NKAIN2: variants seen among roughly 807,000 people sequenced by gnomAD.
NKAIN2 encodes sodium/potassium-transporting ATPase subunit beta-1-interacting protein 2.
Under a neutral mutation model 32.6 loss-of-function variants are expected in NKAIN2, and 14 were observed. The ratio of observed to expected loss-of-function variants is 0.43; its 90% confidence interval spans 0.28 to 0.67. NKAIN2 has a LOEUF of 0.67. Among genes scored for constraint, NKAIN2 ranks in the 30% least tolerant of loss-of-function variants. The pLI, the probability that NKAIN2 is intolerant of heterozygous loss-of-function variation, is 0.17. For synonymous variants in NKAIN2, 80 were observed against 87.2 expected (o/e 0.92, Z 0.46); for missense variants, 198 against 258.3 (o/e 0.77, Z 1.60).
intron 1 of NKAIN2, among the ~76,000 whole-genome samples, chr6:124,107,635 T>C (rs638393): frequency 0.64 from 97,190 of 151,920 alleles, 31,277 homozygotes; most frequent in East Asian, 0.74. Context: ...CATGCAGATC[T>C]CTAGGACGTA....
intron 3 of NKAIN2, among the ~76,000 whole-genome samples, chr6:124,634,178 A>G (rs1783684051): frequency 1.3e-5 from 2 of 152,172 alleles, no homozygotes; most frequent in Non-Finnish European, 2.9e-5. Context: ...ATATCAATGT[A>G]TAGACACAAG....
At chr6:124,596,204 G>A (rs1288452024) in intron 3 of NKAIN2, among the ~76,000 whole-genome samples, 1 of 152,172 alleles carries the variant, frequency 6.6e-6, no homozygotes, top group Non-Finnish European at 1.5e-5. Context: ...TTGGGGTGGG[G>A]AACACTGGGA....
intron 3 of NKAIN2, among the ~76,000 whole-genome samples, chr6:124,489,758 C>A (rs535044139): frequency 1.3e-5 from 2 of 151,852 alleles, no homozygotes; most frequent in African/African-American, 4.8e-5. Flanking sequence ...AAGTTGGAGT[C>A]CACTTGTATT....
At chr6:124,620,418 C>T (rs781479) in intron 3 of NKAIN2, among the ~76,000 whole-genome samples, 26,015 of 152,084 alleles carry the variant, frequency 0.17, 2,322 homozygotes, top group Middle Eastern at 0.24. Flanking sequence ...GAAGCTCACA[C>T]GATGAACACA....
At chr6:123,903,686 T>C (rs1774715555) in intron 1 of NKAIN2, among the ~76,000 whole-genome samples, 3 of 152,222 alleles carry the variant, frequency 2.0e-5, no homozygotes, top group Non-Finnish European at 4.4e-5. Context: ...GTTTTCAAGA[T>C]AGGATTTGTA....
intron 4 of NKAIN2, among the ~76,000 whole-genome samples, chr6:124,755,216 AAGG>A (rs1777906186): frequency 6.6e-6 from 1 of 152,124 alleles, no homozygotes; most frequent in Admixed American, 6.6e-5. Flanking sequence ...CTGATGTCCA[AAGG>A]CAGGAGGAAC....
At chr6:124,630,375 T>G (rs931390953) in intron 3 of NKAIN2, among the ~76,000 whole-genome samples, 2 of 152,154 alleles carry the variant, frequency 1.3e-5, no homozygotes, top group Non-Finnish European at 2.9e-5. Flanking sequence ...TAAGACCAAA[T>G]TCATCGTATT....
intron 3 of NKAIN2, among the ~76,000 whole-genome samples, chr6:124,452,100 C>T (rs1015905114): frequency 1.3e-5 from 2 of 151,182 alleles, no homozygotes; most frequent in Non-Finnish European, 2.9e-5. Context: ...GAGGCTGAGG[C>T]AGGAGGACCA....
At chr6:124,332,365 T>C (rs965446184) in intron 2 of NKAIN2, among the ~76,000 whole-genome samples, 1 of 152,066 alleles carries the variant, frequency 6.6e-6, no homozygotes, top group Middle Eastern at 3.2e-3. Flanking sequence ...CTTTCATCTT[T>C]TGGAATGATT....
chr6:124,215,998 A>C (rs1791457785), intron 1 of NKAIN2, among the ~76,000 whole-genome samples: 3 of 151,926 alleles, frequency 2.0e-5, no homozygotes, highest in South Asian at 2.1e-4. Context: ...AGCGCCTGTA[A>C]TCCCAGCTAC....
chr6:124,541,565 T>C (rs1219970110), intron 3 of NKAIN2, among the ~76,000 whole-genome samples: 11 of 152,168 alleles, frequency 7.2e-5, no homozygotes. Flanking sequence ...TCCTTGGTGT[T>C]AGAGCATTGG....
intron 3 of NKAIN2, among the ~76,000 whole-genome samples, chr6:124,565,403 C>T (rs925084852): frequency 3.3e-5 from 5 of 152,112 alleles, no homozygotes; most frequent in East Asian, 3.9e-4. Flanking sequence ...AAAATATAAT[C>T]CAAACAAAGG....
intron 2 of NKAIN2, among the ~76,000 whole-genome samples, chr6:124,294,912 T>C (rs1172590111): frequency 6.6e-6 from 1 of 152,140 alleles, no homozygotes; most frequent in Non-Finnish European, 1.5e-5. Flanking sequence ...TATTTTTTTC[T>C]TTTAAAGATA....
intron 3 of NKAIN2, among the ~76,000 whole-genome samples, chr6:124,363,145 A>C (rs1411344193): frequency 6.6e-6 from 1 of 152,132 alleles, no homozygotes; most frequent in Non-Finnish European, 1.5e-5. Flanking sequence ...AGAATTTTTT[A>C]TGTGGACTAC....
chr6:124,574,982 T>G (rs1183843731), intron 3 of NKAIN2, among the ~76,000 whole-genome samples: 2 of 152,142 alleles, frequency 1.3e-5, no homozygotes, highest in Non-Finnish European at 2.9e-5. Flanking sequence ...CATATCAGAG[T>G]GCCTTGATAC....
At chr6:124,809,121 G>A (rs1164867146) in intron 5 of NKAIN2, among the ~76,000 whole-genome samples, 4 of 152,024 alleles carry the variant, frequency 2.6e-5, no homozygotes, top group Non-Finnish European at 4.4e-5. Context: ...TCACAGAATT[G>A]GAAAAAAATA....
chr6:124,646,214 C>T (rs1321861407), intron 3 of NKAIN2, among the ~76,000 whole-genome samples: 1 of 151,944 alleles, frequency 6.6e-6, no homozygotes, highest in Non-Finnish European at 1.5e-5. Context: ...ACTAAGAAAA[C>T]TTATAGCCAA....
intron 1 of NKAIN2, among the ~76,000 whole-genome samples, chr6:124,176,135 T>C (rs978648054): frequency 2.0e-5 from 3 of 152,196 alleles, no homozygotes; most frequent in Admixed American, 6.5e-5. Context: ...AGTCTATTAA[T>C]TATGCAATAG....
intron 4 of NKAIN2, among the ~76,000 whole-genome samples, chr6:124,673,629 G>A (rs910785129): frequency 5.3e-5 from 8 of 151,914 alleles, no homozygotes; most frequent in East Asian, 1.9e-4. Flanking sequence ...TGTATTTCCC[G>A]GATGATTAGT....
Sources: gnomAD v4.1 joint callset for allele counts (sites outside exome capture counted in the v4.1 genomes callset) on GRCh38, gnomAD v4.1.1 for gene constraint, MANE v1.5 for transcripts, NCBI Gene and HGNC (gene_info 2026-07-23, HGNC 2026-07-21) for gene names.